PDE4D: variants seen among roughly 807,000 people sequenced by gnomAD.
The protein encoded by PDE4D is 3',5'-cyclic-AMP phosphodiesterase 4D.
In PDE4D, 24 loss-of-function variants were observed where a neutral mutation model predicts 87.4. The ratio of observed to expected loss-of-function variants is 0.27; its 90% CI spans 0.20 to 0.39. The LOEUF (loss-of-function observed/expected upper bound fraction) is 0.39. PDE4D is among the 10% of genes least tolerant of loss of function. The pLI, the probability that PDE4D is intolerant of heterozygous loss-of-function variation, is 1.00. For missense variants in PDE4D, 714 were observed against 1,041.0 expected, an observed-to-expected ratio of 0.69 and a Z score of 4.32; for synonymous variants, 384 against 383.2, an observed-to-expected ratio of 1.00 and a Z score of -0.02.
Position 59,473,794 on chromosome 5 carries a change from A to G in PDE4D, c.456-257826T>C, listed in dbSNP as rs575289434. ...TCAGGCTGAAAGAATGATGCAGACC[A>G]CTAAGGAAGCCATAAAGTAAACTAT... On this transcript the variant is annotated intron_variant, in intron 1 of 14. Coordinates refer to ENST00000340635, the MANE Select transcript of PDE4D (RefSeq NM_001104631.2). Among the ~76,000 whole-genome samples, 5 of 152,262 alleles carry G rather than the reference A, an allele frequency of 3.3e-5. No homozygotes were observed. The South Asian group carries it at 1.0e-3, about 32-fold the overall frequency.
chr5:59,710,435 A>G (rs183154172), intron 1 of PDE4D, among the ~76,000 whole-genome samples: 7 of 152,342 alleles, frequency 4.6e-5, no homozygotes, highest in Admixed American at 1.3e-4. Context: ...GAACTCCAGT[A>G]TTCTGCACAT....
intron 1 of PDE4D, among the ~76,000 whole-genome samples, chr5:60,299,712 C>T (rs1028017058): frequency 1.1e-4 from 17 of 152,154 alleles, no homozygotes; most frequent in African/African-American, 4.1e-4. Flanking sequence ...CCAACCATGT[C>T]CCTGCAAAGG....
At chr5:60,246,625 CT>C (rs147967651) in intron 1 of PDE4D, among the ~76,000 whole-genome samples, 4,121 of 151,682 alleles carry the variant, frequency 0.027, 205 homozygotes, top group African/African-American at 0.094. Context: ...AAAGTGTGTT[CT>C]TTTTTTAACC....
intron 2 of PDE4D, among the ~76,000 whole-genome samples, chr5:60,047,278 C>T (rs894302576): frequency 3.9e-5 from 6 of 152,056 alleles, no homozygotes; most frequent in African/African-American, 9.7e-5. Flanking sequence ...ATTAGTCTTG[C>T]TAGCGGTTTA....
chr5:60,046,281 T>A (rs10041809), intron 2 of PDE4D, among the ~76,000 whole-genome samples: 1 of 152,014 alleles, frequency 6.6e-6, no homozygotes, highest in Non-Finnish European at 1.5e-5. Context: ...GACAATGGGG[T>A]TTTCTAGATA....
chr5:59,495,759 A>G (rs2098699), intron 1 of PDE4D, among the ~76,000 whole-genome samples: 32,799 of 152,052 alleles, frequency 0.22, 4,403 homozygotes, highest in Non-Finnish European at 0.3. Flanking sequence ...TCCCCCTTGC[A>G]AGGTGTGCAA....
rs1583548509 is a variant in PDE4D, at chr5:60,369,126, C to T, written c.-90+118816G>A. On this transcript the variant is annotated intron_variant, in intron 1 of 16. Coordinates refer to the PDE4D transcript ENST00000502484. ...CCTGTCTGTCTTCCTCTCTCCTCTC[C>T]TGCTTTCTATGCCTTTTTTTTTCTC... Among the ~76,000 whole-genome samples, 3 of 151,956 alleles carry T rather than the reference C, an allele frequency of 2.0e-5. No homozygotes were observed. In the South Asian group the frequency reaches 6.2e-4, roughly 32 times the overall value.
chr5:59,608,472 G>C (rs1050105876), intron 1 of PDE4D, among the ~76,000 whole-genome samples: 1 of 152,164 alleles, frequency 6.6e-6, no homozygotes, highest in South Asian at 2.1e-4. Flanking sequence ...CTGTGGATGA[G>C]TGCATGTATT....
chr5:59,363,751 C>A (rs1444495310), intron 1 of PDE4D, among the ~76,000 whole-genome samples: 1 of 152,168 alleles, frequency 6.6e-6, no homozygotes, highest in Admixed American at 6.5e-5. Context: ...AATCTTGTCT[C>A]CATTGTGGCT....
At chr5:60,280,238 T>C (rs1379275557) in intron 1 of PDE4D, among the ~76,000 whole-genome samples, 2 of 151,872 alleles carry the variant, frequency 1.3e-5, no homozygotes, top group African/African-American at 2.4e-5. Context: ...TATGTTTTTC[T>C]TTTGGTCCCA....
chr5:59,439,808 T>C (rs537797198), intron 1 of PDE4D, among the ~76,000 whole-genome samples: 35 of 152,264 alleles, frequency 2.3e-4, no homozygotes, highest in African/African-American at 7.9e-4. Flanking sequence ...CTTCCTGTGA[T>C]GACTGACTCA....
chr5:59,847,827 C>T (rs901108613), intron 1 of PDE4D, among the ~76,000 whole-genome samples: 12 of 152,116 alleles, frequency 7.9e-5, no homozygotes, highest in Admixed American at 5.2e-4. Context: ...ATGGCAATGC[C>T]AATTCCTCTG....
intron 1 of PDE4D, among the ~76,000 whole-genome samples, chr5:59,781,303 G>A (rs1438273772): frequency 6.6e-6 from 1 of 151,796 alleles, no homozygotes; most frequent in Non-Finnish European, 1.5e-5. Context: ...TAGTGGTTAA[G>A]TAAGACAAAA....
chr5:59,017,081 G>A (rs1754155915), intron 6 of PDE4D, among the ~76,000 whole-genome samples: 1 of 152,156 alleles, frequency 6.6e-6, no homozygotes, highest in Non-Finnish European at 1.5e-5. Context: ...TCTCAACAAA[G>A]GCTGAGTAAC....
chr5:58,973,724 A>AAAAC lies in PDE4D; in HGVS notation c.*936_*939dup, dbSNP rs1743047108. 1 of 152,642 alleles carries AAAAC rather than the reference A, an allele frequency of 6.6e-6. No homozygotes were observed. Among genetic ancestry groups the AAAAC allele is most frequent in the African/African-American group, 2.4e-5 (1 of 41,470 alleles). The allele number at this position is 152,642 out of a possible 1,614,324, so 9.5% of individuals were successfully genotyped here. Reference sequence around the variant, plus strand: ...CAAATAGTCACTTTGCACATGAAGAAAAACACTGGTGAAGAGCAACTCTGC... The same window carrying AAAAC: ...CAAATAGTCACTTTGCACATGAAGAAAAACAAACACTGGTGAAGAGCAACTCTGC... On this transcript the variant is annotated 3_prime_UTR_variant, in exon 15 of 15. Coordinates refer to ENST00000340635, the MANE Select transcript of PDE4D (RefSeq NM_001104631.2).
At chr5:59,376,850 G>C (rs1784814204) in intron 1 of PDE4D, among the ~76,000 whole-genome samples, 1 of 152,016 alleles carries the variant, frequency 6.6e-6, no homozygotes. Flanking sequence ...TAGACAAATG[G>C]AACAGGATAG....
chr5:59,764,334 C>T (rs1344455947), intron 1 of PDE4D, among the ~76,000 whole-genome samples: 1 of 152,162 alleles, frequency 6.6e-6, no homozygotes, highest in Non-Finnish European at 1.5e-5. Flanking sequence ...TTAATTTATA[C>T]ATAATTGTAC....
chr5:59,454,723 A>T (rs897141068), intron 1 of PDE4D, among the ~76,000 whole-genome samples: 1 of 152,208 alleles, frequency 6.6e-6, no homozygotes, highest in East Asian at 1.9e-4. Context: ...AAAATGTGGG[A>T]AAGTTTGAAA....
intron 11 of PDE4D, among the ~76,000 whole-genome samples, chr5:58,982,162 AGTC>A (rs1745317150): frequency 6.6e-6 from 1 of 152,152 alleles, no homozygotes; most frequent in African/African-American, 2.4e-5. Flanking sequence ...GGTAATTATG[AGTC>A]GTAACAGTCC....
Sources: gnomAD v4.1 joint callset for allele counts (sites outside exome capture counted in the v4.1 genomes callset) on GRCh38, gnomAD v4.1.1 for gene constraint, MANE v1.5 for transcripts, NCBI Gene and HGNC (gene_info 2026-07-23, HGNC 2026-07-21) for gene names.